Variants in KIF23 observed in about 807,000 individuals in gnomAD.
The protein encoded by KIF23 is kinesin family member 23, also known as kinesin-like protein KIF23.
A neutral mutation model predicts 137.5 loss-of-function variants in KIF23; 30 were observed. The observed-to-expected ratio is 0.22, with a 90% CI of 0.16 to 0.30. The LOEUF is 0.30. Among genes scored for constraint, KIF23 ranks in the 10% least tolerant of loss-of-function variants. KIF23 has a pLI of 1.00. For missense variants in KIF23, 920 were observed against 1,194.3 expected, an observed-to-expected ratio of 0.77 and a Z score of 3.38; for synonymous variants, 367 against 391.1, an observed-to-expected ratio of 0.94 and a Z score of 0.73.
intron 1 of KIF23, 106 bp downstream of exon 1, chr15:69,414,582 G>A: frequency 7.9e-7 from 1 of 1,262,312 alleles, no homozygotes; most frequent in South Asian, 1.8e-5. Flanking sequence ...CGGGCAGCGC[G>A]GACAGCATCC....
At chr15:69,437,959 G>A (rs986919454) in intron 15 of KIF23, among the ~76,000 whole-genome samples, 18 of 152,250 alleles carry the variant, frequency 1.2e-4, no homozygotes, top group East Asian at 1.9e-4. Flanking sequence ...CTATTTTTGC[G>A]TTTGTTGTTG....
chr15:69,423,396 T>G (rs2057111104), intron 7 of KIF23, 67 bp downstream of exon 7: 3 of 1,045,670 alleles, frequency 2.9e-6, no homozygotes, highest in Non-Finnish European at 4.1e-6. Flanking sequence ...TCAAGGAGTT[T>G]TAGTTTCTTC....
At chr15:69,435,446 TG>T in intron 11 of KIF23, 36 bp from the exon 12 acceptor site, 1 of 1,510,512 alleles carries the variant, frequency 6.6e-7, no homozygotes, top group Non-Finnish European at 9.2e-7. Flanking sequence ...ACTATACTGT[TG>T]TTCTGAAATG....
chr15:69,427,640 A>G (rs1345466891), intron 10 of KIF23: 5 of 339,604 alleles, frequency 1.5e-5, no homozygotes, highest in Non-Finnish European at 1.2e-5. Context: ...GCAGATCACT[A>G]TTTACTGCCT....
Position 69,440,432 on chromosome 15 carries a change from G to C in KIF23, c.2054G>C (p.Arg685Pro), listed in dbSNP as rs368817047. The change falls in exon 18 of 24, where the codon CGG becomes CCG. Residue 685 changes from arginine (R) to proline (P), a missense_variant. Arg to Pro is a moderately radical substitution (Grantham distance 103). Transcript: ENST00000679126. ...ACTGAGAAGCCAGAGAGACCCTCTC[G>C]GGAGCGAGATCGAGAAAAAGTTACT... ...PKTEKPERPSRERDREKVTQR... is the reference protein window; with the variant it reads ...PKTEKPERPSPERDREKVTQR... 1 of 1,613,568 alleles carries C rather than the reference G, an allele frequency of 6.2e-7. No individual in the cohort carries two copies.
At chr15:69,445,461 C>G (rs576400540) in intron 20 of KIF23, among the ~76,000 whole-genome samples, 1 of 151,492 alleles carries the variant, frequency 6.6e-6, no homozygotes, top group African/African-American at 2.4e-5. Context: ...TGCCTAAAGC[C>G]GTTTTCCAGA....
intron 19 of KIF23, among the ~76,000 whole-genome samples, chr15:69,442,915 G>A (rs1435435736): frequency 1.3e-5 from 2 of 152,116 alleles, no homozygotes; most frequent in African/African-American, 4.8e-5. Flanking sequence ...ACTTCAGTGA[G>A]GAAAAAATTT....
chr15:69,436,010 C>A, intron 13 of KIF23, 128 bp from the exon 14 acceptor site: 1 of 1,290,232 alleles, frequency 7.8e-7, no homozygotes, highest in Non-Finnish European at 1.1e-6. Flanking sequence ...GTGTTCATGC[C>A]ACTGCACTCC....
Position 69,435,657 on chromosome 15 carries a change from T to C in KIF23, c.1200T>C (p.Val400=). Residue 400 remains valine, a synonymous_variant, in exon 13 of 24, where the codon GTT becomes GTC. Transcript: ENST00000679126. ...ENQMYGTNKM[V]PYRDSKLTHL... ...GGATATGAATGTCTTTGTAGATGGTTCCATATCGAGATTCAAAGTTAACCC... is the reference window on the plus strand; with the variant it reads ...GGATATGAATGTCTTTGTAGATGGTCCCATATCGAGATTCAAAGTTAACCC... The C allele has an allele frequency of 6.2e-7, 1 of 1,613,886 alleles. No individual in the cohort carries two copies. The highest frequency in any genetic ancestry group is 8.5e-7 in the Non-Finnish European group (1 of 1,179,972).
chr15:69,439,383 A>G lies in KIF23; in HGVS notation c.1756-521A>G, dbSNP rs149848020. Among the ~76,000 whole-genome samples the G allele has an allele frequency of 9.2e-5, 14 of 152,228 alleles. No individual in the cohort carries two copies. In the East Asian group the frequency reaches 2.7e-3, roughly 29 times the overall value. The stretch of plus-strand genomic sequence containing the variant: ...AGTGCCAGCATCGGGCCTTGGACGT[A>G]ACAGATACTCAGTAAAGCTTAATTG... On this transcript the variant is annotated intron_variant, in intron 16 of 23. Coordinates refer to ENST00000679126, the MANE Select transcript of KIF23 (RefSeq NM_001367805.3).
At chr15:69,419,132 CAAAG>C (rs1479310040) in intron 3 of KIF23, among the ~76,000 whole-genome samples, 1 of 151,086 alleles carries the variant, frequency 6.6e-6, no homozygotes, top group Non-Finnish European at 1.5e-5. Context: ...AACAAACAAA[CAAAG>C]AAACAAACAA....
intron 5 of KIF23, 65 bp downstream of exon 5, chr15:69,422,193 A>G (rs1019582196): frequency 1.5e-5 from 24 of 1,554,762 alleles, no homozygotes; most frequent in Non-Finnish European, 1.7e-5. Flanking sequence ...ATACAGTAGT[A>G]GTAAAGAAGA....
At chr15:69,419,650 C>G (rs893835714) in intron 3 of KIF23, among the ~76,000 whole-genome samples, 1 of 152,180 alleles carries the variant, frequency 6.6e-6, no homozygotes, top group Non-Finnish European at 1.5e-5. Context: ...ATTACTTAAC[C>G]ACAATCTATT....
chr15:69,421,772 GT>G lies in KIF23; in HGVS notation c.316+24del. 1 of 1,540,112 alleles carries G rather than the reference GT, an allele frequency of 6.5e-7. No individual in the cohort carries two copies. Among genetic ancestry groups the G allele is most frequent in the Non-Finnish European group, 8.9e-7 (1 of 1,122,528 alleles). ...AAAATGGTATGATATGACTCTTGGA[GT>G]TTTGTTAGATTTTCCTTTTTCTCCT... is the stretch of plus-strand genomic sequence containing the variant. On this transcript the variant is annotated intron_variant, in intron 4 of 23. Coordinates refer to ENST00000679126, the MANE Select transcript of KIF23 (RefSeq NM_001367805.3).
intron 10 of KIF23, among the ~76,000 whole-genome samples, chr15:69,428,848 GAC>G (rs918134430): frequency 1.3e-5 from 2 of 152,088 alleles, no homozygotes; most frequent in African/African-American, 4.8e-5. Context: ...GGTAGTAAAA[GAC>G]AGAGTCCCTG....
At chr15:69,433,453 G>T (rs1010979998) in intron 11 of KIF23, among the ~76,000 whole-genome samples, 3 of 152,216 alleles carry the variant, frequency 2.0e-5, no homozygotes, top group Admixed American at 2.0e-4. Flanking sequence ...AATCCTTGCT[G>T]AGATGTAGAG....
At chr15:69,426,525 C>T in intron 10 of KIF23, 68 bp downstream of exon 10, 1 of 1,548,762 alleles carries the variant, frequency 6.5e-7, no homozygotes, top group Non-Finnish European at 8.8e-7. Flanking sequence ...TTAGAGTAAT[C>T]CAGCCAACAT....
chr15:69,440,112 C>A, intron 17 of KIF23, 35 bp downstream of exon 17: 1 of 1,592,868 alleles, frequency 6.3e-7, no homozygotes, highest in South Asian at 1.1e-5. Context: ...GTCTCAGAGT[C>A]GGATGATTTA....
Position 69,414,392 on chromosome 15 carries a change from C to A in KIF23, c.-74C>A. 1 of 1,545,744 alleles carries A rather than the reference C, an allele frequency of 6.5e-7. No homozygotes were observed. Among genetic ancestry groups the A allele is most frequent in the Admixed American group, 2.0e-5 (1 of 50,664 alleles). On this transcript the variant is annotated 5_prime_UTR_variant, in exon 1 of 24. Transcript: ENST00000679126. The stretch of plus-strand genomic sequence containing the variant: ...GCCGCGAAGTTCTAGTTCTTGCTGC[C>A]GGTCCTAACGTCCCGCAGTCTTCGC...
Sources: allele counts gnomAD v4.1 joint callset (sites outside exome capture counted in the v4.1 genomes callset), GRCh38; gene constraint gnomAD v4.1.1; transcripts MANE v1.5; gene names NCBI Gene and HGNC (gene_info 2026-07-23, HGNC 2026-07-21).